HS1BP3: variants seen among roughly 807,000 people sequenced by gnomAD.
HS1BP3 encodes the protein HCLS1 binding protein 3.
In HS1BP3, 32 loss-of-function variants were observed where a neutral mutation model predicts 33.5. The ratio of observed to expected loss-of-function variants is 0.95; its 90% CI spans 0.72 to 1.28. The LOEUF (loss-of-function observed/expected upper bound fraction) is 1.28, where lower values mean the gene tolerates loss of function less well. HS1BP3 is among the 50% of genes most tolerant of loss of function. The probability of loss-of-function intolerance (pLI) is 0.00; values close to 1 mark genes in which losing one functional copy is unlikely to be tolerated. For missense variants in HS1BP3, 486 were observed against 502.3 expected, an observed-to-expected ratio of 0.97 and a Z score of 0.31; for synonymous variants, 187 against 209.2, an observed-to-expected ratio of 0.89 and a Z score of 0.92.
chr2:20,631,150 G>T (rs940304850), intron 4 of HS1BP3, among the ~76,000 whole-genome samples: 12 of 152,126 alleles, frequency 7.9e-5, no homozygotes, highest in South Asian at 2.1e-4. Context: ...GGGGTCCTGG[G>T]AGCTGCCTGG....
At chr2:20,626,958 C>T (rs922226323) in intron 4 of HS1BP3, among the ~76,000 whole-genome samples, 4 of 152,180 alleles carry the variant, frequency 2.6e-5, no homozygotes, top group Non-Finnish European at 4.4e-5. Context: ...AGGGCCATGG[C>T]CTCCTGGGGC....
At chr2:20,647,828 C>A (rs376986841) in intron 1 of HS1BP3, among the ~76,000 whole-genome samples, 45 of 152,278 alleles carry the variant, frequency 3.0e-4, no homozygotes, top group African/African-American at 1.1e-3. Flanking sequence ...TGCGTGCAAC[C>A]CCCTGGGGAT....
intron 4 of HS1BP3, among the ~76,000 whole-genome samples, chr2:20,627,360 G>A (rs993996435): frequency 2.4e-4 from 36 of 152,382 alleles, no homozygotes; most frequent in Admixed American, 2.2e-3. Context: ...CGGGCCCCTC[G>A]GGGCAGGGGA....
At chr2:20,637,030 C>CT (rs1695156404) in intron 4 of HS1BP3, 1 of 80,882 alleles carries the variant, frequency 1.2e-5, no homozygotes, top group African/African-American at 4.2e-5. Flanking sequence ...AGGGGGCTGC[C>CT]CCCGCCCCCC....
chr2:20,582,352 G>T (rs1693553664), intron 5 of HS1BP3, among the ~76,000 whole-genome samples: 1 of 152,166 alleles, frequency 6.6e-6, no homozygotes, highest in African/African-American at 2.4e-5. Context: ...GATGGAGCTG[G>T]GGACTGGTCT....
intron 2 of HS1BP3, among the ~76,000 whole-genome samples, chr2:20,609,455 A>AG (rs5829748): frequency 1 from 152,344 of 152,344 alleles, 76,172 homozygotes; most frequent in Non-Finnish European, 1. Context: ...GTTGTAGCTC[A>AG]GCTCTTGGAG....
In HS1BP3 at chr2:20,631,635, C is replaced by T. The variant is rs574541319; in HGVS notation, c.624-6743G>A. ...CACATTCCAAGGACCTGTTTCTCAA[C>T]AGCCAGAGCCCACTCTCCTGGCCAC... is the stretch of plus-strand genomic sequence containing the variant. On this transcript the variant is annotated intron_variant, in intron 4 of 6. Transcript: ENST00000304031. Among the ~76,000 whole-genome samples the T allele has an allele frequency of 2.7e-5, 4 of 149,770 alleles. No individual in the cohort carries two copies. In the East Asian group the frequency reaches 8.1e-4, roughly 30 times the overall value.
In HS1BP3 at chr2:20,623,933, T is replaced by C; in HGVS notation, c.883A>G (p.Ser295Gly). 1 of 1,612,478 alleles carries C rather than the reference T, an allele frequency of 6.2e-7. No individual in the cohort carries two copies. Among genetic ancestry groups the C allele is most frequent in the South Asian group, 1.1e-5 (1 of 91,010 alleles). ...TTGGAGGCGTCCCTGTGGCTGAGGC[T>C]GGGTGTGGGCCCTCCACTCTCACAG... ...AACESGGPTP[S>G]LSHRDASKEL... The change falls in exon 6 of 7, where the codon AGC becomes GGC. Residue 295 changes from serine to glycine, a missense_variant. Physicochemically the swap from Ser to Gly is moderately conservative, Grantham distance 56. Coordinates refer to ENST00000304031, the MANE Select transcript of HS1BP3 (RefSeq NM_022460.4).
intron 2 of HS1BP3, among the ~76,000 whole-genome samples, chr2:20,603,546 G>A (rs974810035): frequency 2.0e-4 from 30 of 152,210 alleles, no homozygotes; most frequent in African/African-American, 7.2e-4. Flanking sequence ...CAAATAGAGA[G>A]AGATAGAAAG....
intron 3 of HS1BP3, among the ~76,000 whole-genome samples, chr2:20,592,984 CAA>C (rs1318319174): frequency 2.6e-5 from 4 of 152,124 alleles, no homozygotes; most frequent in African/African-American, 9.7e-5. Context: ...AGGAAAATCC[CAA>C]GTCATTACTC....
intron 4 of HS1BP3, among the ~76,000 whole-genome samples, chr2:20,634,087 G>A (rs561100762): frequency 1.3e-5 from 2 of 152,364 alleles, no homozygotes; most frequent in African/African-American, 4.8e-5. Context: ...TCCAGCAGGT[G>A]GGTCAGCAGA....
intron 5 of HS1BP3, among the ~76,000 whole-genome samples, chr2:20,584,923 A>G (rs6715159): frequency 0.64 from 96,740 of 152,064 alleles, 35,389 homozygotes; most frequent in East Asian, 0.82. Context: ...GGCCAGACTC[A>G]GGCTGGAACC....
chr2:20,562,726 G>A (rs1693030809), intron 5 of HS1BP3, among the ~76,000 whole-genome samples: 1 of 151,826 alleles, frequency 6.6e-6, no homozygotes, highest in Non-Finnish European at 1.5e-5. Context: ...CTGTCTCCAG[G>A]GGGATAGTGT....
chr2:20,646,604 AGG>A (rs1437896639), intron 1 of HS1BP3, among the ~76,000 whole-genome samples: 2 of 152,272 alleles, frequency 1.3e-5, no homozygotes, highest in Admixed American at 1.3e-4. Context: ...CCCGCGGCGT[AGG>A]GCACCCCAGG....
chr2:20,581,420 G>C (rs1449706937), intron 5 of HS1BP3, among the ~76,000 whole-genome samples: 1 of 152,102 alleles, frequency 6.6e-6, no homozygotes, highest in African/African-American at 2.4e-5. Flanking sequence ...TGTGATCTTG[G>C]TTCACTGCAA....
At chr2:20,627,481 G>A (rs552755195) in intron 4 of HS1BP3, among the ~76,000 whole-genome samples, 2 of 152,374 alleles carry the variant, frequency 1.3e-5, no homozygotes, top group South Asian at 4.1e-4. Context: ...CTCTGGAGAA[G>A]CCGTGGTGCC....
chr2:20,629,359 C>T (rs1394833806), intron 4 of HS1BP3, among the ~76,000 whole-genome samples: 1 of 152,230 alleles, frequency 6.6e-6, no homozygotes, highest in Non-Finnish European at 1.5e-5. Flanking sequence ...TCTGCAGGCG[C>T]AGGGCCTGGC....
chr2:20,603,918 A>G (rs528823289), intron 2 of HS1BP3, among the ~76,000 whole-genome samples: 4 of 151,846 alleles, frequency 2.6e-5, no homozygotes, highest in African/African-American at 9.7e-5. Context: ...ATCTCCCTAA[A>G]ATGGAGACAG....
intron 4 of HS1BP3, chr2:20,635,546 G>T (rs1695097252): frequency 6.6e-6 from 1 of 152,214 alleles, no homozygotes. Flanking sequence ...CAATGAAAAA[G>T]GTTTCCCGCA....
Sources: allele counts gnomAD v4.1 joint callset (sites outside exome capture counted in the v4.1 genomes callset), GRCh38; gene constraint gnomAD v4.1.1; transcripts MANE v1.5; gene names NCBI Gene and HGNC (gene_info 2026-07-23, HGNC 2026-07-21).